The following XKR4 variants were observed in gnomAD, a reference collection of about 807,000 sequenced individuals.
XKR4 encodes XK related 4.
XKR4 carries 12 observed loss-of-function variants against 53.9 expected under a neutral mutation model. The observed-to-expected ratio is 0.22, with a 90% CI of 0.14 to 0.36. The LOEUF (loss-of-function observed/expected upper bound fraction) is 0.36, where lower values mean the gene tolerates loss of function less well. Ranked by LOEUF, XKR4 falls within the 10% of genes least tolerant of loss-of-function variation. The probability of loss-of-function intolerance (pLI) is 1.00; values close to 1 mark genes in which losing one functional copy is unlikely to be tolerated. For missense variants in XKR4, 799 were observed against 859.5 expected, an observed-to-expected ratio of 0.93 and a Z score of 0.88; for synonymous variants, 354 against 362.4, an observed-to-expected ratio of 0.98 and a Z score of 0.26.
At chr8:55,437,415 G>C (rs1207616949) in intron 2 of XKR4, among the ~76,000 whole-genome samples, 2 of 152,124 alleles carry the variant, frequency 1.3e-5, no homozygotes, top group Non-Finnish European at 2.9e-5. Context: ...GGGTTAAGTA[G>C]AGATACAGCT....
chr8:55,327,796 T>C (rs1803316282), intron 1 of XKR4, among the ~76,000 whole-genome samples: 1 of 152,226 alleles, frequency 6.6e-6, no homozygotes, highest in South Asian at 2.1e-4. Flanking sequence ...AGAATAGCTT[T>C]GACTTTTGTG....
intron 1 of XKR4, among the ~76,000 whole-genome samples, chr8:55,320,177 T>C (rs922307894): frequency 6.6e-6 from 1 of 152,182 alleles, no homozygotes; most frequent in African/African-American, 2.4e-5. Flanking sequence ...AAACAGTCAT[T>C]GAAAAGCAGT....
chr8:55,308,558 C>A (rs1179838340), intron 1 of XKR4, among the ~76,000 whole-genome samples: 1 of 152,234 alleles, frequency 6.6e-6, no homozygotes, highest in Non-Finnish European at 1.5e-5. Flanking sequence ...TCCCTTGACA[C>A]GTGGATATTA....
chr8:55,278,953 AC>A (rs1818801185), intron 1 of XKR4, among the ~76,000 whole-genome samples: 1 of 152,168 alleles, frequency 6.6e-6, no homozygotes, highest in Non-Finnish European at 1.5e-5. Context: ...AAGCAAAAAA[AC>A]AAAAACAAAA....
chr8:55,363,860 T>C (rs1803936294), intron 2 of XKR4, among the ~76,000 whole-genome samples: 1 of 152,206 alleles, frequency 6.6e-6, no homozygotes, highest in Admixed American at 6.5e-5. Flanking sequence ...AATTAAAACA[T>C]TTATTGAAAG....
intron 1 of XKR4, among the ~76,000 whole-genome samples, chr8:55,205,027 C>T (rs879844598): frequency 3.9e-5 from 6 of 152,124 alleles, no homozygotes; most frequent in Admixed American, 2.6e-4. Flanking sequence ...TTGCTGCCGA[C>T]GAACTGTGAA....
Position 55,149,583 on chromosome 8 carries a change from A to G in XKR4, c.806+46289A>G, listed in dbSNP as rs1816814723. 3.3e-5 allele frequency among the ~76,000 whole-genome samples: 5 copies of G among 152,324 alleles called. No homozygotes were observed. The South Asian group carries it at 1.0e-3, about 32-fold the overall frequency. ...CTTGGCAGCACGGGGATGGTTTTTG[A>G]TAACTAACAGGGTGATCGTTCTCAG... On this transcript the variant is annotated intron_variant, in intron 1 of 2. Coordinates refer to ENST00000327381, the MANE Select transcript of XKR4 (RefSeq NM_052898.2).
chr8:55,490,158 C>A (rs1158148563), intron 2 of XKR4, among the ~76,000 whole-genome samples: 25 of 152,074 alleles, frequency 1.6e-4, no homozygotes, highest in Non-Finnish European at 2.9e-5. Flanking sequence ...TATAATATTT[C>A]TTATGAGATC....
chr8:55,429,752 AAAAG>A (rs1489271664), intron 2 of XKR4, among the ~76,000 whole-genome samples: 2 of 152,226 alleles, frequency 1.3e-5, no homozygotes, highest in Non-Finnish European at 2.9e-5. Flanking sequence ...AAAGAAAAGA[AAAAG>A]AAAGAAAGAA....
intron 1 of XKR4, among the ~76,000 whole-genome samples, chr8:55,309,371 T>C (rs1041173500): frequency 5.3e-5 from 8 of 152,220 alleles, no homozygotes; most frequent in South Asian, 4.2e-4. Context: ...ATTTCAGAAA[T>C]GGAGGAAAGA....
In XKR4 at chr8:55,458,390, C is replaced by T. The variant is rs189550659; in HGVS notation, c.1007-64891C>T. ...GCAGGAGCAGAACTCCATATGGTCC[C>T]GTGGCAGTGTCTAGGAGTTACCCAT... On this transcript the variant is annotated intron_variant, in intron 2 of 2. Coordinates refer to ENST00000327381, the MANE Select transcript of XKR4 (RefSeq NM_052898.2). Among the ~76,000 whole-genome samples the T allele has an allele frequency of 2.1e-3, 323 of 152,266 alleles. 1 individual carries two copies. The highest frequency in any genetic ancestry group is 3.3e-3 in the Non-Finnish European group (226 of 68,022).
At chr8:55,359,328 C>G (rs2129384532) in intron 2 of XKR4, among the ~76,000 whole-genome samples, 1 of 152,262 alleles carries the variant, frequency 6.6e-6, no homozygotes, top group Non-Finnish European at 1.5e-5. Context: ...TCTCTGGGCC[C>G]CAGGTTGCTC....
intron 2 of XKR4, among the ~76,000 whole-genome samples, chr8:55,464,691 A>T (rs1440511989): frequency 6.6e-6 from 1 of 152,192 alleles, no homozygotes; most frequent in Non-Finnish European, 1.5e-5. Flanking sequence ...AGAGGAAGTC[A>T]AATTGTCCCT....
intron 2 of XKR4, among the ~76,000 whole-genome samples, chr8:55,474,568 C>T (rs1386880385): frequency 6.6e-6 from 1 of 152,050 alleles, no homozygotes; most frequent in Non-Finnish European, 1.5e-5. Flanking sequence ...TTAAGATACT[C>T]CTGGAACAAA....
intron 2 of XKR4, among the ~76,000 whole-genome samples, chr8:55,503,685 C>A (rs1036133509): frequency 6.6e-6 from 1 of 152,044 alleles, no homozygotes; most frequent in South Asian, 2.1e-4. Flanking sequence ...ATTTGCATGT[C>A]TTTTATTTCA....
In XKR4 at chr8:55,193,323, C is replaced by T. The variant is rs181337932; in HGVS notation, c.806+90029C>T. 5.9e-4 allele frequency among the ~76,000 whole-genome samples: 90 copies of T among 152,132 alleles called. No individual in the cohort carries two copies. In the East Asian group the frequency reaches 9.3e-3, roughly 16 times the overall value. ...TTCTCTCTGTGGTTCCCTTGTTTTT[C>T]GCTTGCTCCAGTCCTTCTTCCCTCC... On this transcript the variant is annotated intron_variant, in intron 1 of 2. Transcript: ENST00000327381.
Position 55,541,367 on chromosome 8 carries a change from T to C in XKR4, c.*17140T>C, listed in dbSNP as rs1321367545. 1 of 152,196 alleles carries C rather than the reference T, an allele frequency of 6.6e-6. No individual in the cohort carries two copies. The highest frequency in any genetic ancestry group is 6.5e-5 in the Admixed American group (1 of 15,274). The allele number at this position is 152,196 out of a possible 1,614,324, so 9.4% of individuals were successfully genotyped here. On this transcript the variant is annotated 3_prime_UTR_variant, in exon 3 of 3. Transcript: ENST00000327381. Reference sequence around the variant, plus strand: ...ATATTTGCTTAATTTGCCTTAAACATTTTGTGCTCCTTTCCCTGTTCAATT... The same window carrying C: ...ATATTTGCTTAATTTGCCTTAAACACTTTGTGCTCCTTTCCCTGTTCAATT...
At chr8:55,315,726 G>A (rs752852004) in intron 1 of XKR4, among the ~76,000 whole-genome samples, 38 of 152,090 alleles carry the variant, frequency 2.5e-4, no homozygotes, top group Non-Finnish European at 4.0e-4. Context: ...CCCATGCCTC[G>A]TCAGTCTAGA....
At position 55,527,145 on chromosome 8, in the gene XKR4, C is replaced by T. The variant is rs1806891385; in HGVS notation, c.*2918C>T. On this transcript the variant is annotated 3_prime_UTR_variant, in exon 3 of 3. Coordinates refer to ENST00000327381, the MANE Select transcript of XKR4 (RefSeq NM_052898.2). ...ACAACTTTTACTTGTTTTCTAGATG[C>T]ACAGATAACAGAGAGTTTAAAGTAT... 6.6e-6 allele frequency: 1 copy of T among 152,166 alleles called. No homozygotes were observed. Among genetic ancestry groups the T allele is most frequent in the South Asian group, 2.1e-4 (1 of 4,824 alleles). The allele number at this position is 152,166 out of a possible 1,614,324, so 9.4% of individuals were successfully genotyped here.
Sources: allele counts gnomAD v4.1 joint callset (sites outside exome capture counted in the v4.1 genomes callset), GRCh38; gene constraint gnomAD v4.1.1; transcripts MANE v1.5; gene names NCBI Gene and HGNC (gene_info 2026-07-23, HGNC 2026-07-21).